The following RORA variants were observed in gnomAD, a reference collection of about 807,000 sequenced individuals.
The protein encoded by RORA is nuclear receptor ROR-alpha.
A neutral mutation model predicts 69.5 loss-of-function variants in RORA; 7 were observed. The ratio of observed to expected loss-of-function variants is 0.10; its 90% CI spans 0.06 to 0.19. RORA has a LOEUF of 0.19. Ranked by LOEUF, RORA falls within the 10% of genes least tolerant of loss-of-function variation. The pLI, the probability that RORA is intolerant of heterozygous loss-of-function variation, is 1.00. For missense variants in RORA, 457 were observed against 663.0 expected, an observed-to-expected ratio of 0.69 and a Z score of 3.41; for synonymous variants, 261 against 240.8, an observed-to-expected ratio of 1.08 and a Z score of -0.78.
chr15:60,625,856 CT>C (rs2069562604), intron 2 of RORA, among the ~76,000 whole-genome samples: 1 of 152,202 alleles, frequency 6.6e-6, no homozygotes, highest in African/African-American at 2.4e-5. Flanking sequence ...CCTTTCGTAC[CT>C]TTTGAATATT....
At chr15:61,066,898 A>C (rs1024751846) in intron 1 of RORA, among the ~76,000 whole-genome samples, 2 of 150,848 alleles carry the variant, frequency 1.3e-5, no homozygotes, top group Non-Finnish European at 3.0e-5. Flanking sequence ...AAAAAAAAAA[A>C]AAAAAAAACC....
In RORA at chr15:61,215,470, A is replaced by G. The variant is rs570399837; in HGVS notation, c.166+13583T>C. ...GTAATAAGGATGAAGAGGTTGAAAC[A>G]AACGTAGAAAGCCTTGTTTTCAAAG... On this transcript the variant is annotated intron_variant, in intron 1 of 10. Coordinates refer to ENST00000335670, the MANE Select transcript of RORA (RefSeq NM_134261.3). 6.0e-4 allele frequency among the ~76,000 whole-genome samples: 91 copies of G among 152,366 alleles called. No homozygotes were observed. In the South Asian group the frequency reaches 0.018, roughly 30 times the overall value.
chr15:60,545,059 A>T (rs2140368719), intron 2 of RORA: 1 of 152,358 alleles, frequency 6.6e-6, no homozygotes, highest in Middle Eastern at 3.4e-3. Flanking sequence ...GTGTTCCAGA[A>T]AAGCCAAACT....
At chr15:60,970,529 C>A (rs1441943609) in intron 1 of RORA, among the ~76,000 whole-genome samples, 1 of 152,168 alleles carries the variant, frequency 6.6e-6, no homozygotes, top group East Asian at 1.9e-4. Flanking sequence ...CCACTGCTGG[C>A]CTTGGTGAAG....
rs186272362 is a variant in RORA, at chr15:61,104,147, T to C, written c.166+124906A>G. Reference sequence around the variant, plus strand: ...CCTGTCATCTTCCTGTGCTTCCTCATTGCAAAACCAGCATTCCTCTCACGG... The same window carrying C: ...CCTGTCATCTTCCTGTGCTTCCTCACTGCAAAACCAGCATTCCTCTCACGG... On this transcript the variant is annotated intron_variant, in intron 1 of 10. Coordinates refer to ENST00000335670, the MANE Select transcript of RORA (RefSeq NM_134261.3). Among the ~76,000 whole-genome samples, 327 of 152,328 alleles carry C rather than the reference T, an allele frequency of 2.1e-3. 2 individuals are homozygous for C. The highest frequency in any genetic ancestry group is 7.1e-3 in the African/African-American group (294 of 41,566).
intron 1 of RORA, among the ~76,000 whole-genome samples, chr15:61,139,724 ACTC>A (rs1243557432): frequency 6.6e-6 from 1 of 152,036 alleles, no homozygotes; most frequent in Non-Finnish European, 1.5e-5. Flanking sequence ...AGAGTCGACT[ACTC>A]CTGCCTCCGT....
intron 1 of RORA, among the ~76,000 whole-genome samples, chr15:61,125,377 C>T (rs2079134612): frequency 6.6e-6 from 1 of 152,098 alleles, no homozygotes; most frequent in Admixed American, 6.5e-5. Context: ...CTATCAAGAG[C>T]AGTTAATTTC....
chr15:61,173,802 T>G (rs751391819), intron 1 of RORA, among the ~76,000 whole-genome samples: 3 of 152,124 alleles, frequency 2.0e-5, no homozygotes, highest in Non-Finnish European at 4.4e-5. Flanking sequence ...ACTATAGGCA[T>G]GTGGGGCCTG....
intron 2 of RORA, among the ~76,000 whole-genome samples, chr15:60,609,470 T>C (rs2069032870): frequency 6.6e-6 from 1 of 152,062 alleles, no homozygotes; most frequent in African/African-American, 2.4e-5. Context: ...ACCCTCAACA[T>C]CTCATACCTG....
At chr15:60,659,559 A>G (rs1596104205) in intron 2 of RORA, among the ~76,000 whole-genome samples, 1 of 152,212 alleles carries the variant, frequency 6.6e-6, no homozygotes, top group Non-Finnish European at 1.5e-5. Context: ...GCTAACAATC[A>G]ATGCATAATT....
chr15:60,731,813 T>C (rs1404430210), intron 1 of RORA, among the ~76,000 whole-genome samples: 2 of 152,260 alleles, frequency 1.3e-5, no homozygotes, highest in African/African-American at 4.8e-5. Flanking sequence ...ATCTCCATTA[T>C]TAGCAGCCAT....
intron 2 of RORA, among the ~76,000 whole-genome samples, chr15:60,597,128 CACTA>C (rs1285782479): frequency 2.6e-5 from 4 of 152,274 alleles, no homozygotes; most frequent in African/African-American, 9.6e-5. Flanking sequence ...CTGTGCCACT[CACTA>C]ACAGTTGATA....
chr15:60,725,541 C>A (rs994738693), intron 1 of RORA, among the ~76,000 whole-genome samples: 5 of 152,182 alleles, frequency 3.3e-5, no homozygotes, highest in African/African-American at 9.7e-5. Flanking sequence ...GGTGTCCACC[C>A]CCTCAAGCAC....
At chr15:60,845,996 C>T (rs1364362031) in intron 1 of RORA, among the ~76,000 whole-genome samples, 3 of 152,186 alleles carry the variant, frequency 2.0e-5, no homozygotes, top group African/African-American at 2.4e-5. Context: ...CCGCTCCCCT[C>T]GGGCTCCCAA....
intron 1 of RORA, among the ~76,000 whole-genome samples, chr15:60,940,405 A>G (rs1470956203): frequency 6.6e-6 from 1 of 152,262 alleles, no homozygotes; most frequent in African/African-American, 2.4e-5. Flanking sequence ...TGAACAAAAA[A>G]GAATATGTAT....
At chr15:61,105,511 T>C (rs1054545753) in intron 1 of RORA, among the ~76,000 whole-genome samples, 2 of 152,208 alleles carry the variant, frequency 1.3e-5, no homozygotes, top group African/African-American at 2.4e-5. Flanking sequence ...TTCAAGATTA[T>C]TTATTATTAA....
At chr15:61,171,766 T>A (rs775014293) in intron 1 of RORA, among the ~76,000 whole-genome samples, 34 of 152,332 alleles carry the variant, frequency 2.2e-4, no homozygotes, top group Admixed American at 9.8e-4. Context: ...TCATCTGTCC[T>A]CCCTGTATCT....
At chr15:60,536,959 C>T (rs928682980) in intron 2 of RORA, among the ~76,000 whole-genome samples, 3 of 152,174 alleles carry the variant, frequency 2.0e-5, no homozygotes, top group Admixed American at 6.5e-5. Flanking sequence ...TTACAACCAG[C>T]ATGTATTACT....
chr15:61,012,873 C>A (rs970079567), intron 1 of RORA, among the ~76,000 whole-genome samples: 1 of 152,146 alleles, frequency 6.6e-6, no homozygotes, highest in African/African-American at 2.4e-5. Flanking sequence ...TGGTCTTGAA[C>A]TCCTCAGCTC....
Sources: allele counts gnomAD v4.1 joint callset (sites outside exome capture counted in the v4.1 genomes callset), GRCh38; gene constraint gnomAD v4.1.1; transcripts MANE v1.5; gene names NCBI Gene and HGNC (gene_info 2026-07-23, HGNC 2026-07-21).